UCKL1: variants seen among roughly 807,000 people sequenced by gnomAD.
UCKL1 encodes the protein uridine-cytidine kinase 1 like 1, also known as uridine-cytidine kinase-like 1.
In UCKL1, 65 loss-of-function variants were observed where a neutral mutation model predicts 59.2. That is an observed-to-expected ratio of 1.10 (90% CI 0.90 to 1.35). UCKL1 has a LOEUF of 1.35. Ranked by LOEUF, UCKL1 falls within the 40% of genes most tolerant of loss-of-function variation. The probability of loss-of-function intolerance (pLI) is 0.00; values close to 1 mark genes in which losing one functional copy is unlikely to be tolerated. For synonymous variants in UCKL1, 410 were observed against 323.1 expected (o/e 1.27, Z -2.88); for missense variants, 703 against 784.3 (o/e 0.90, Z 1.24).
chr20:63,949,354 G>A (rs973073035), intron 1 of UCKL1, among the ~76,000 whole-genome samples: 2 of 152,172 alleles, frequency 1.3e-5, no homozygotes, highest in South Asian at 2.1e-4. Flanking sequence ...GCACTTCCCC[G>A]AGACCGCATG....
intron 8 of UCKL1, among the ~76,000 whole-genome samples, chr20:63,941,991 G>A (rs963430335): frequency 2.7e-5 from 4 of 147,152 alleles, no homozygotes; most frequent in Non-Finnish European, 4.5e-5. Flanking sequence ...AGGCGTGACA[G>A]CGGCAGGGAA....
chr20:63,945,582 G>C, intron 5 of UCKL1, 69 bp downstream of exon 5: 1 of 1,523,844 alleles, frequency 6.6e-7, no homozygotes, highest in Non-Finnish European at 9.0e-7. Flanking sequence ...GCAGGAGGAC[G>C]CACACCTCAT....
At chr20:63,949,572 C>T (rs980101981) in intron 1 of UCKL1, among the ~76,000 whole-genome samples, 9 of 152,358 alleles carry the variant, frequency 5.9e-5, no homozygotes, top group African/African-American at 1.9e-4. Flanking sequence ...ATGGATGGCC[C>T]GCAGCTGTGC....
At position 63,940,338 on chromosome 20, in the gene UCKL1, C is replaced by T. The variant is rs1260882503; in HGVS notation, c.1411-32G>A. Reference sequence around the variant, plus strand: ...AGTGTATTGGGCAGGTAAATCCCACCTCTGCCTGAACCTGCCCCGCCTACC... The same window carrying T: ...AGTGTATTGGGCAGGTAAATCCCACTTCTGCCTGAACCTGCCCCGCCTACC... On this transcript the variant is annotated intron_variant, in intron 13 of 14. Coordinates refer to ENST00000354216, the MANE Select transcript of UCKL1 (RefSeq NM_017859.4). 2.5e-6 allele frequency: 4 copies of T among 1,611,900 alleles called. No individual in the cohort carries two copies. The South Asian group carries it at 4.4e-5, about 18-fold the overall frequency.
At chr20:63,950,180 C>G (rs1284596612) in intron 1 of UCKL1, among the ~76,000 whole-genome samples, 1 of 152,236 alleles carries the variant, frequency 6.6e-6, no homozygotes, top group Non-Finnish European at 1.5e-5. Context: ...GTGACGGCGT[C>G]AGGCTGAGTC....
intron 1 of UCKL1, among the ~76,000 whole-genome samples, chr20:63,948,632 GAA>G (rs1569123478): frequency 5.6e-4 from 2 of 3,546 alleles, no homozygotes; most frequent in South Asian, 0.011. Context: ...GTGTGAGAGG[GAA>G]GGGGCGTGTG....
chr20:63,944,433 G>A lies in UCKL1; in HGVS notation c.870C>T (p.Asp290=). 1.3e-6 allele frequency: 2 copies of A among 1,577,358 alleles called. No individual in the cohort carries two copies. Among genetic ancestry groups the A allele is most frequent in the Non-Finnish European group, 1.7e-6 (2 of 1,162,260 alleles). ...GGCTGTGCACGTGCTGCACAATCAG[G>A]TCGATGGCCACCGTGTTGCCGCTCC... is the stretch of plus-strand genomic sequence containing the variant. The part of the protein sequence containing the change: ...PRGSGNTVAI[D]LIVQHVHSQL... Residue 290 remains aspartate (D), a synonymous_variant, in exon 7 of 15, where the codon GAC becomes GAT. Coordinates refer to ENST00000354216, the MANE Select transcript of UCKL1 (RefSeq NM_017859.4).
chr20:63,943,239 G>A (rs549186964), intron 8 of UCKL1, among the ~76,000 whole-genome samples: 2 of 152,334 alleles, frequency 1.3e-5, no homozygotes, highest in Admixed American at 1.3e-4. Flanking sequence ...TGCAACCAGG[G>A]AAAGCTGACT....
At chr20:63,948,557 A>AGGCGGGTGTGAGAGGGAGG (rs2056872516) in intron 1 of UCKL1, 1 of 14,392 alleles carries the variant, frequency 6.9e-5, no homozygotes, top group Non-Finnish European at 1.3e-4. Context: ...GTGAGGAGGG[A>AGGCGGGTGTGAGAGGGAGG]GGCGTGTGTG....
chr20:63,940,956 G>C lies in UCKL1; in HGVS notation c.1110C>G (p.Pro370=), dbSNP rs141040687. ...LLIEHALSFL[P]FQDCVVQTPQ... is the part of the protein sequence containing the mutation. Reference sequence around the variant, plus strand: ...CGGGCTACGGGCTACGAACCTGAAAGGGCAGGAAGGAGAGCGCGTGCTCGA... The same window carrying C: ...CGGGCTACGGGCTACGAACCTGAAACGGCAGGAAGGAGAGCGCGTGCTCGA... Residue 370 remains proline, a synonymous_variant, in exon 10 of 15, where the codon CCC becomes CCG. Transcript: ENST00000354216. The C allele has an allele frequency of 2.6e-6, 4 of 1,522,096 alleles. No homozygotes were observed. The Admixed American group carries it at 6.4e-5, about 24-fold the overall frequency. 94.3% of individuals were successfully genotyped at this position (1,522,096 alleles called of 1,614,324 possible). A position where few individuals can be genotyped will look rare whatever the true frequency, so the allele number is the denominator to read the frequency against.
At chr20:63,956,106 T>G in intron 1 of UCKL1, 154 bp downstream of exon 1, 7 of 695,022 alleles carry the variant, frequency 1.0e-5, no homozygotes, top group East Asian at 3.6e-5. Context: ...GCCCGCGGGG[T>G]TCCACCCGGC....
chr20:63,941,379 C>A, intron 8 of UCKL1, 171 bp from the exon 9 acceptor site: 1 of 1,023,880 alleles, frequency 9.8e-7, no homozygotes, highest in South Asian at 1.6e-5. Flanking sequence ...AGACGTCGCC[C>A]TACCTGAGCT....
chr20:63,942,591 A>G, intron 8 of UCKL1: 1 of 781,370 alleles, frequency 1.3e-6, no homozygotes, highest in Non-Finnish European at 1.8e-6. Context: ...TTAGTTGGGG[A>G]GCAGGGCGTT....
Position 63,939,836 on chromosome 20 carries a change from T to C in UCKL1, c.*140A>G. On this transcript the variant is annotated 3_prime_UTR_variant, in exon 15 of 15. Transcript: ENST00000354216. Reference sequence around the variant, plus strand: ...GCTGTAACCAATCACACCTTCATTTTTCTAAAGCTTTATTTATTTTATAAA... The same window carrying C: ...GCTGTAACCAATCACACCTTCATTTCTCTAAAGCTTTATTTATTTTATAAA... The C allele has an allele frequency of 1.2e-6, 1 of 841,056 alleles. No individual in the cohort carries two copies. The highest frequency in any genetic ancestry group is 1.8e-6 in the Non-Finnish European group (1 of 552,918). 52.1% of individuals were successfully genotyped at this position (841,056 alleles called of 1,614,324 possible). A position where few individuals can be genotyped will look rare whatever the true frequency, so the allele number is the denominator to read the frequency against.
Position 63,939,843 on chromosome 20 carries a change from G to C in UCKL1, c.*133C>G. On this transcript the variant is annotated 3_prime_UTR_variant, in exon 15 of 15. Transcript: ENST00000354216. ...CCAATCACACCTTCATTTTTCTAAA[G>C]CTTTATTTATTTTATAAAATGCATA... 3 of 862,976 alleles carry C rather than the reference G, an allele frequency of 3.5e-6. No individual in the cohort carries two copies. In the South Asian group the frequency reaches 5.4e-5, roughly 16 times the overall value. The allele number at this position is 862,976 out of a possible 1,614,324, so 53.5% of individuals were successfully genotyped here.
rs760971447 is a variant in UCKL1, at chr20:63,946,517, G to A, written c.240C>T (p.Tyr80=). ...TGTACCAGGGCGGCCGCCCGGCGGTGTAGATGGTACGCTTGCTTGTACGCA... is the reference window on the plus strand; with the variant it reads ...TGTACCAGGGCGGCCGCCCGGCGGTATAGATGGTACGCTTGCTTGTACGCA... ...PLLRTSKRTI[Y]TAGRPPWYNE... is the part of the protein sequence containing the mutation. The change falls in exon 2 of 15, where the codon TAC becomes TAT. Residue 80 remains tyrosine (Y), a synonymous_variant. Transcript: ENST00000354216. 40 of 1,602,510 alleles carry A rather than the reference G, an allele frequency of 2.5e-5. No individual in the cohort carries two copies. Among genetic ancestry groups the A allele is most frequent in the Non-Finnish European group, 3.2e-5 (38 of 1,174,914 alleles).
chr20:63,948,100 G>A (rs1278096095), intron 1 of UCKL1: 1 of 152,354 alleles, frequency 6.6e-6, no homozygotes, highest in African/African-American at 2.4e-5. Flanking sequence ...TCCGGCAGAA[G>A]GCACTTGTGG....
At chr20:63,951,049 C>T (rs1266166251) in intron 1 of UCKL1, 2 of 1,219,276 alleles carry the variant, frequency 1.6e-6, no homozygotes, top group Non-Finnish European at 2.0e-6. Context: ...GGGGTGAGAC[C>T]CTTGGCTGGC....
At chr20:63,947,511 G>C (rs1320053661) in intron 1 of UCKL1, among the ~76,000 whole-genome samples, 1 of 152,252 alleles carries the variant, frequency 6.6e-6, no homozygotes, top group Non-Finnish European at 1.5e-5. Flanking sequence ...AGGCTGAAGG[G>C]CTCAGGGAGA....
Sources: allele counts gnomAD v4.1 joint callset (sites outside exome capture counted in the v4.1 genomes callset), GRCh38; gene constraint gnomAD v4.1.1; transcripts MANE v1.5; gene names NCBI Gene and HGNC (gene_info 2026-07-23, HGNC 2026-07-21).